The following CADM2 variants were observed in gnomAD, a reference collection of about 807,000 sequenced individuals.
CADM2 encodes the protein cell adhesion molecule 2.
In CADM2, 12 loss-of-function variants were observed where a neutral mutation model predicts 49.8. That is an observed-to-expected ratio of 0.24 (90% CI 0.15 to 0.39). The LOEUF (loss-of-function observed/expected upper bound fraction) is 0.39, where lower values mean the gene tolerates loss of function less well. CADM2 is among the 10% of genes least tolerant of loss of function. The pLI is 1.00. For missense variants in CADM2, 378 were observed against 492.3 expected, an observed-to-expected ratio of 0.77 and a Z score of 2.20; for synonymous variants, 214 against 175.4, an observed-to-expected ratio of 1.22 and a Z score of -1.74.
intron 5 of CADM2, 84 bp from the exon 6 acceptor site, chr3:85,912,289 G>T (rs1717717882): frequency 3.2e-6 from 3 of 923,454 alleles, no homozygotes; most frequent in Non-Finnish European, 4.7e-6. Flanking sequence ...AAAATAGGGA[G>T]AAGCTGTTTC....
chr3:86,003,105 G>T (rs1293720107), intron 8 of CADM2, among the ~76,000 whole-genome samples: 1 of 152,118 alleles, frequency 6.6e-6, no homozygotes, highest in African/African-American at 2.4e-5. Flanking sequence ...CCTTAACAGA[G>T]ACCAGGTTGA....
At chr3:85,442,584 A>G (rs1284258674) in intron 1 of CADM2, among the ~76,000 whole-genome samples, 1 of 121,542 alleles carries the variant, frequency 8.2e-6, no homozygotes, top group East Asian at 2.5e-4. Context: ...ATGCTTATAT[A>G]TGAGTATATA....
At chr3:85,959,818 G>T (rs1251840887) in intron 7 of CADM2, among the ~76,000 whole-genome samples, 1 of 151,920 alleles carries the variant, frequency 6.6e-6, no homozygotes, top group Non-Finnish European at 1.5e-5. Flanking sequence ...TATTACCTAG[G>T]TGTGTAGTAG....
chr3:85,905,991 C>A (rs1408197787), intron 5 of CADM2, among the ~76,000 whole-genome samples: 3 of 152,084 alleles, frequency 2.0e-5, no homozygotes, highest in Non-Finnish European at 2.9e-5. Context: ...CTGCAGGACT[C>A]CATGAAACAA....
chr3:85,433,674 A>G (rs2036793113), intron 1 of CADM2, among the ~76,000 whole-genome samples: 1 of 152,138 alleles, frequency 6.6e-6, no homozygotes, highest in Non-Finnish European at 1.5e-5. Context: ...GTAGACCCTG[A>G]GAATGGAATT....
chr3:86,060,276 T>C (rs1323496646), intron 8 of CADM2, among the ~76,000 whole-genome samples: 1 of 151,878 alleles, frequency 6.6e-6, no homozygotes, highest in African/African-American at 2.4e-5. Flanking sequence ...GAGATTCTAC[T>C]GTAAGAATGA....
chr3:85,410,174 T>A (rs2035590161), intron 1 of CADM2, among the ~76,000 whole-genome samples: 1 of 152,162 alleles, frequency 6.6e-6, no homozygotes, highest in Admixed American at 6.5e-5. Context: ...AAATCCTAGT[T>A]AAAATAATTC....
chr3:85,944,694 T>C (rs1722413684), intron 7 of CADM2, among the ~76,000 whole-genome samples: 1 of 151,836 alleles, frequency 6.6e-6, no homozygotes, highest in South Asian at 2.1e-4. Context: ...CATAATGAAA[T>C]GAAGGCAGAA....
At chr3:85,330,132 A>G (rs818223) in intron 1 of CADM2, among the ~76,000 whole-genome samples, 1,935 of 152,286 alleles carry the variant, frequency 0.013, 45 homozygotes, top group African/African-American at 0.045. Context: ...TTTTCAAAGA[A>G]TCACTGGAAA....
intron 7 of CADM2, among the ~76,000 whole-genome samples, chr3:85,947,526 A>G (rs1722887970): frequency 6.6e-6 from 1 of 151,574 alleles, no homozygotes; most frequent in African/African-American, 2.4e-5. Context: ...TAATATTGGA[A>G]AATTCATTCT....
chr3:85,425,446 C>T (rs1207412448), intron 1 of CADM2, among the ~76,000 whole-genome samples: 1 of 152,082 alleles, frequency 6.6e-6, no homozygotes, highest in Non-Finnish European at 1.5e-5. Context: ...GGGTAATGAT[C>T]AAATCAGGTA....
intron 1 of CADM2, among the ~76,000 whole-genome samples, chr3:85,418,976 A>AT: frequency 6.6e-6 from 1 of 151,904 alleles, no homozygotes; most frequent in Admixed American, 6.6e-5. Flanking sequence ...AGGGGAAAAA[A>AT]AAATGAGAAG....
At chr3:85,546,561 A>T (rs2107084338) in intron 1 of CADM2, among the ~76,000 whole-genome samples, 1 of 152,158 alleles carries the variant, frequency 6.6e-6, no homozygotes, top group East Asian at 1.9e-4. Flanking sequence ...AATTAAAATA[A>T]CACTACTAAT....
At position 85,980,336 on chromosome 3, in the gene CADM2, A is replaced by T. The variant is rs1218160969; in HGVS notation, c.970+18689A>T. Among the ~76,000 whole-genome samples, 3 of 151,456 alleles carry T rather than the reference A, an allele frequency of 2.0e-5. 1 individual carries two copies. The highest frequency in any genetic ancestry group is 4.4e-5 in the Non-Finnish European group (3 of 67,654). The stretch of plus-strand genomic sequence containing the variant: ...GATGGTTTTCTTGGAATTTTAATTA[A>T]TTCTAGATATTAAGTTGATTTGCCG... On this transcript the variant is annotated intron_variant, in intron 8 of 9. Transcript: ENST00000383699.
chr3:85,898,779 G>A (rs1028121776), intron 5 of CADM2, among the ~76,000 whole-genome samples: 1 of 150,364 alleles, frequency 6.7e-6, no homozygotes, highest in African/African-American at 2.4e-5. Flanking sequence ...AACATTTGTG[G>A]GTACAATTTT....
At chr3:85,871,370 TAA>T (rs1474216662) in intron 3 of CADM2, among the ~76,000 whole-genome samples, 2 of 152,184 alleles carry the variant, frequency 1.3e-5, no homozygotes, top group African/African-American at 4.8e-5. Flanking sequence ...TTATATTTAA[TAA>T]GATACCATTC....
At chr3:86,033,703 T>TTATA (rs58168936) in intron 8 of CADM2, among the ~76,000 whole-genome samples, 64 of 142,752 alleles carry the variant, frequency 4.5e-4, no homozygotes, top group African/African-American at 1.3e-3. Flanking sequence ...GTTATTTGTT[T>TTATA]TATATATATA....
At chr3:85,275,434 C>A (rs1362706488) in intron 1 of CADM2, among the ~76,000 whole-genome samples, 1 of 151,512 alleles carries the variant, frequency 6.6e-6, no homozygotes, top group South Asian at 2.1e-4. Context: ...CCACCTTCCA[C>A]AAAATGTTTT....
intron 1 of CADM2, among the ~76,000 whole-genome samples, chr3:85,028,003 C>T (rs1409152955): frequency 6.6e-6 from 1 of 151,830 alleles, no homozygotes; most frequent in African/African-American, 2.4e-5. Context: ...TTTGCTATTA[C>T]ACTATTAAAA....
Sources: gnomAD v4.1 joint callset for allele counts (sites outside exome capture counted in the v4.1 genomes callset) on GRCh38, gnomAD v4.1.1 for gene constraint, MANE v1.5 for transcripts, NCBI Gene and HGNC (gene_info 2026-07-23, HGNC 2026-07-21) for gene names.